Variants in DCC observed in about 807,000 individuals in gnomAD.
The protein encoded by DCC is DCC netrin 1 receptor.
In DCC, 58 loss-of-function variants were observed where a neutral mutation model predicts 172.5. The observed-to-expected ratio is 0.34, with a 90% CI of 0.27 to 0.42. DCC has a LOEUF of 0.42. DCC is among the 10% of genes least tolerant of loss of function. DCC has a pLI of 1.00. For synonymous variants in DCC, 709 were observed against 644.5 expected (o/e 1.10, Z -1.52); for missense variants, 1,740 against 1,791.0 (o/e 0.97, Z 0.51).
At chr18:52,595,106 G>T (rs780818289) in intron 1 of DCC, among the ~76,000 whole-genome samples, 1 of 152,156 alleles carries the variant, frequency 6.6e-6, no homozygotes. Context: ...GGATCATCCT[G>T]CCAATGCCTT....
At chr18:52,820,922 T>A (rs893656568) in intron 2 of DCC, among the ~76,000 whole-genome samples, 1 of 152,124 alleles carries the variant, frequency 6.6e-6, no homozygotes, top group African/African-American at 2.4e-5. Flanking sequence ...TTCCCTGAAC[T>A]CTGAACAGCT....
intron 1 of DCC, among the ~76,000 whole-genome samples, chr18:52,543,681 G>T (rs554911901): frequency 2.6e-5 from 4 of 152,058 alleles, no homozygotes; most frequent in Admixed American, 2.6e-4. Flanking sequence ...TACCACTCTC[G>T]TATGAAGTAT....
intron 1 of DCC, among the ~76,000 whole-genome samples, chr18:52,554,204 T>TAAAG (rs1350724114): frequency 2.6e-4 from 39 of 152,132 alleles, no homozygotes; most frequent in African/African-American, 9.4e-4. Flanking sequence ...ATATAAACTC[T>TAAAG]AAAGAAAGAT....
At chr18:52,820,648 C>T (rs1201840797) in intron 2 of DCC, among the ~76,000 whole-genome samples, 1 of 152,122 alleles carries the variant, frequency 6.6e-6, no homozygotes, top group Non-Finnish European at 1.5e-5. Flanking sequence ...AAATTCTGAC[C>T]TCCAGATGCA....
chr18:53,478,912 T>G (rs2045799857), intron 25 of DCC, among the ~76,000 whole-genome samples: 1 of 152,226 alleles, frequency 6.6e-6, no homozygotes, highest in South Asian at 2.1e-4. Flanking sequence ...GACTCGTCTG[T>G]GAGACGATCA....
chr18:53,391,858 A>G lies in DCC; in HGVS notation c.2659A>G (p.Thr887Ala). The G allele has an allele frequency of 6.2e-7, 1 of 1,611,478 alleles. No individual in the cohort carries two copies. The highest frequency in any genetic ancestry group is 8.5e-7 in the Non-Finnish European group (1 of 1,177,542). ...EVRLYTVRWR[T>A]SFSASAKYKS... ...GCGACTTTACACCGTCCGGTGGAGA[A>G]CCAGCTTTTCTGCAAGTGCAAAATA... The change falls in exon 17 of 29, where the codon ACC becomes GCC. Residue 887 changes from threonine (T) to alanine (A), a missense_variant. Physicochemically the swap from Thr to Ala is moderately conservative, Grantham distance 58. This residue lies in a region of DCC where 1,732 missense variants were observed against 1,767.4 expected (regional missense o/e 0.98). Coordinates refer to ENST00000442544, the MANE Select transcript of DCC (RefSeq NM_005215.4).
intron 1 of DCC, among the ~76,000 whole-genome samples, chr18:52,645,283 A>G (rs1362844443): frequency 6.6e-6 from 1 of 152,166 alleles, no homozygotes; most frequent in African/African-American, 2.4e-5. Context: ...CACCGAGAAA[A>G]TTCACAATAG....
At chr18:53,188,832 G>A (rs544486230) in intron 9 of DCC, among the ~76,000 whole-genome samples, 6 of 152,116 alleles carry the variant, frequency 3.9e-5, no homozygotes, top group African/African-American at 1.4e-4. Context: ...TCCTTGGCTG[G>A]TAGCTGCATA....
At chr18:52,360,395 T>G (rs1984567402) in intron 1 of DCC, among the ~76,000 whole-genome samples, 1 of 152,254 alleles carries the variant, frequency 6.6e-6, no homozygotes, top group African/African-American at 2.4e-5. Context: ...CCAACTTAAC[T>G]CTGTGATTCA....
intron 5 of DCC, among the ~76,000 whole-genome samples, chr18:53,003,390 C>T (rs540206370): frequency 6.6e-6 from 1 of 152,224 alleles, no homozygotes; most frequent in African/African-American, 2.4e-5. Flanking sequence ...AGTGGCGGAG[C>T]CTGTGTGGAT....
intron 7 of DCC, among the ~76,000 whole-genome samples, chr18:53,093,350 G>C (rs2043040940): frequency 6.6e-6 from 1 of 152,058 alleles, no homozygotes; most frequent in South Asian, 2.1e-4. Flanking sequence ...TAAAAATTTT[G>C]AATAACACGT....
intron 25 of DCC, among the ~76,000 whole-genome samples, chr18:53,481,499 G>T (rs2045831375): frequency 6.6e-6 from 1 of 152,168 alleles, no homozygotes; most frequent in South Asian, 2.1e-4. Flanking sequence ...ATGTGAAGGA[G>T]ATATGAATAT....
intron 1 of DCC, among the ~76,000 whole-genome samples, chr18:52,593,182 C>T (rs1028964748): frequency 8.5e-5 from 13 of 152,114 alleles, no homozygotes; most frequent in Non-Finnish European, 1.8e-4. Flanking sequence ...ATTTTTGAAG[C>T]TGAAAAGTTG....
At chr18:53,326,053 A>G (rs961774982) in intron 14 of DCC, among the ~76,000 whole-genome samples, 16 of 152,182 alleles carry the variant, frequency 1.1e-4, no homozygotes, top group African/African-American at 3.9e-4. Flanking sequence ...CACTCATCCA[A>G]CTGTTACTCC....
At chr18:53,432,557 T>A (rs1911684933) in intron 21 of DCC, among the ~76,000 whole-genome samples, 1 of 152,162 alleles carries the variant, frequency 6.6e-6, no homozygotes, top group Non-Finnish European at 1.5e-5. Flanking sequence ...TCAGTGCTTA[T>A]GAAATTAACC....
intron 25 of DCC, among the ~76,000 whole-genome samples, chr18:53,486,306 T>C (rs2045899131): frequency 6.6e-6 from 1 of 152,216 alleles, no homozygotes. Flanking sequence ...AGTATGACTA[T>C]TGAGAAAACA....
chr18:52,391,123 T>G (rs2144349324), intron 1 of DCC, among the ~76,000 whole-genome samples: 1 of 152,204 alleles, frequency 6.6e-6, no homozygotes, highest in Non-Finnish European at 1.5e-5. Context: ...AATATTTCCA[T>G]TTTGAAGATG....
intron 12 of DCC, among the ~76,000 whole-genome samples, chr18:53,284,877 G>A (rs937555704): frequency 6.6e-6 from 1 of 152,164 alleles, no homozygotes; most frequent in African/African-American, 2.4e-5. Flanking sequence ...CTTGGGAACT[G>A]GATCAAAGGT....
At chr18:53,116,303 G>C (rs1338900205) in intron 7 of DCC, among the ~76,000 whole-genome samples, 1 of 151,738 alleles carries the variant, frequency 6.6e-6, no homozygotes, top group African/African-American at 2.4e-5. Context: ...GAATTTTTGG[G>C]AGTTTAAATA....
Sources: allele counts gnomAD v4.1 joint callset (sites outside exome capture counted in the v4.1 genomes callset), GRCh38; gene constraint gnomAD v4.1.1; regional missense constraint gnomAD v4.1.1; transcripts MANE v1.5; gene names NCBI Gene and HGNC (gene_info 2026-07-23, HGNC 2026-07-21).